PLCL1: variants seen among roughly 807,000 people sequenced by gnomAD.
PLCL1 encodes phospholipase C like 1 (inactive).
PLCL1 carries 41 observed loss-of-function variants against 84.4 expected under a neutral mutation model. The ratio of observed to expected loss-of-function variants is 0.49; its 90% CI spans 0.38 to 0.63. The LOEUF is 0.63. Ranked by LOEUF, PLCL1 falls within the 30% of genes least tolerant of loss-of-function variation. PLCL1 has a pLI of 0.00. For synonymous variants in PLCL1, 490 were observed against 488.3 expected (o/e 1.00, Z -0.05); for missense variants, 1,206 against 1,367.8 (o/e 0.88, Z 1.87).
At chr2:197,924,135 T>G (rs1456707466) in intron 1 of PLCL1, among the ~76,000 whole-genome samples, 58 of 41,056 alleles carry the variant, frequency 1.4e-3, no homozygotes, top group African/African-American at 4.3e-3. Flanking sequence ...AGGGAGACCG[T>G]GGGGAGAGGG....
chr2:198,134,532 A>C (rs1694208372), intron 5 of PLCL1, among the ~76,000 whole-genome samples: 1 of 152,142 alleles, frequency 6.6e-6, no homozygotes, highest in Non-Finnish European at 1.5e-5. Context: ...AGAACCTGGA[A>C]CTCATGCCAG....
intron 1 of PLCL1, among the ~76,000 whole-genome samples, chr2:198,034,349 A>G (rs550192409): frequency 6.6e-6 from 1 of 152,336 alleles, no homozygotes; most frequent in Admixed American, 6.5e-5. Flanking sequence ...TAGAAATACC[A>G]TTTGACCCAG....
intron 5 of PLCL1, among the ~76,000 whole-genome samples, chr2:198,107,124 A>C (rs908691658): frequency 6.6e-6 from 1 of 151,942 alleles, no homozygotes; most frequent in Non-Finnish European, 1.5e-5. Flanking sequence ...GTCATGGTGC[A>C]AGAGGAAGCA....
intron 5 of PLCL1, among the ~76,000 whole-genome samples, chr2:198,127,790 A>G (rs1169533045): frequency 6.6e-6 from 1 of 152,156 alleles, no homozygotes; most frequent in East Asian, 1.9e-4. Flanking sequence ...TTGGAGCACA[A>G]GCTTTTTGTG....
At chr2:198,071,489 C>T (rs534631476) in intron 1 of PLCL1, among the ~76,000 whole-genome samples, 80 of 151,924 alleles carry the variant, frequency 5.3e-4, no homozygotes, top group South Asian at 2.3e-3. Flanking sequence ...TTCCATTTCC[C>T]TACCTTTAGT....
intron 5 of PLCL1, among the ~76,000 whole-genome samples, chr2:198,144,003 C>T (rs778981590): frequency 6.6e-6 from 1 of 151,958 alleles, no homozygotes; most frequent in Non-Finnish European, 1.5e-5. Context: ...CTGTTTCCTC[C>T]CATTGGCCAT....
intron 1 of PLCL1, among the ~76,000 whole-genome samples, chr2:197,923,118 C>A (rs1002113812): frequency 2.1e-5 from 3 of 142,378 alleles, no homozygotes; most frequent in South Asian, 4.7e-4. Context: ...GGCGGCTGGC[C>A]AGGCTGAGGG....
chr2:198,032,379 G>A (rs1157894717), intron 1 of PLCL1, among the ~76,000 whole-genome samples: 1 of 152,000 alleles, frequency 6.6e-6, no homozygotes, highest in Non-Finnish European at 1.5e-5. Context: ...TTTAATTAAA[G>A]CTTCTGTTTG....
At chr2:197,884,002 T>C (rs1435567) in intron 1 of PLCL1, among the ~76,000 whole-genome samples, 27,371 of 152,200 alleles carry the variant, frequency 0.18, 2,571 homozygotes, top group East Asian at 0.27. Flanking sequence ...TATCTTAAGT[T>C]GTTTGACTTT....
At chr2:197,853,231 G>T (rs1203548549) in intron 1 of PLCL1, among the ~76,000 whole-genome samples, 1 of 152,160 alleles carries the variant, frequency 6.6e-6, no homozygotes, top group Non-Finnish European at 1.5e-5. Context: ...ATATTCCATT[G>T]TAGGTATGTA....
At chr2:198,133,628 G>T (rs1211652712) in intron 5 of PLCL1, among the ~76,000 whole-genome samples, 1 of 151,896 alleles carries the variant, frequency 6.6e-6, no homozygotes, top group Non-Finnish European at 1.5e-5. Context: ...TTTGACAAGT[G>T]CATGTGATGA....
At chr2:197,998,047 G>C (rs1690508089) in intron 1 of PLCL1, among the ~76,000 whole-genome samples, 1 of 152,110 alleles carries the variant, frequency 6.6e-6, no homozygotes, top group Admixed American at 6.5e-5. Context: ...AAGCATGAGG[G>C]CTTAGTGGGT....
chr2:197,821,317 A>T (rs1340158059), intron 1 of PLCL1, among the ~76,000 whole-genome samples: 1 of 152,152 alleles, frequency 6.6e-6, no homozygotes, highest in Non-Finnish European at 1.5e-5. Flanking sequence ...TGAACTTCTG[A>T]GCTTTTGAAG....
intron 1 of PLCL1, among the ~76,000 whole-genome samples, chr2:198,066,986 A>G (rs763385189): frequency 6.6e-5 from 10 of 152,174 alleles, no homozygotes; most frequent in Non-Finnish European, 1.2e-4. Context: ...TTTCTCCTAC[A>G]GGTGCCATTA....
chr2:197,953,785 A>T (rs1689433644), intron 1 of PLCL1, among the ~76,000 whole-genome samples: 1 of 152,038 alleles, frequency 6.6e-6, no homozygotes, highest in Non-Finnish European at 1.5e-5. Flanking sequence ...CTAAGGATCA[A>T]CATTTTTTCT....
At chr2:197,927,468 C>G (rs1027138784) in intron 1 of PLCL1, among the ~76,000 whole-genome samples, 4 of 152,182 alleles carry the variant, frequency 2.6e-5, no homozygotes, top group African/African-American at 7.2e-5. Context: ...GTTCTTCTAT[C>G]ATTTTGAGGG....
intron 1 of PLCL1, among the ~76,000 whole-genome samples, chr2:198,045,652 G>T (rs943214834): frequency 2.0e-5 from 3 of 152,178 alleles, no homozygotes; most frequent in African/African-American, 7.2e-5. Flanking sequence ...AGACATTCAT[G>T]GATATGCATT....
intron 3 of PLCL1, 51 bp from the exon 4 acceptor site, chr2:198,101,234 G>A (rs777193233): frequency 5.6e-6 from 6 of 1,073,732 alleles, no homozygotes; most frequent in Non-Finnish European, 8.5e-6. Context: ...TTCCCAATGA[G>A]CCAGTTCAAG....
chr2:197,949,703 G>T (rs971008472), intron 1 of PLCL1, among the ~76,000 whole-genome samples: 1 of 152,120 alleles, frequency 6.6e-6, no homozygotes, highest in Non-Finnish European at 1.5e-5. Context: ...AGGGTGAAGG[G>T]ACCTGAGGAA....
Sources: allele counts gnomAD v4.1 joint callset (sites outside exome capture counted in the v4.1 genomes callset), GRCh38; gene constraint gnomAD v4.1.1; transcripts MANE v1.5; gene names NCBI Gene and HGNC (gene_info 2026-07-23, HGNC 2026-07-21).